ACVR1B: variants seen among roughly 807,000 people sequenced by gnomAD.
ACVR1B encodes activin A receptor type 1B, also known as activin receptor type-1B.
ACVR1B carries 15 observed loss-of-function variants against 55.6 expected under a neutral mutation model. The observed-to-expected ratio is 0.27, with a 90% CI of 0.18 to 0.42. ACVR1B has a LOEUF of 0.42. Ranked by LOEUF, ACVR1B falls within the 10% of genes least tolerant of loss-of-function variation. The probability of loss-of-function intolerance (pLI) is 1.00; values close to 1 mark genes in which losing one functional copy is unlikely to be tolerated. For synonymous variants in ACVR1B, 247 were observed against 254.6 expected (o/e 0.97, Z 0.28); for missense variants, 359 against 670.1 (o/e 0.54, Z 5.13).
intron 8 of ACVR1B, chr12:51,992,466 G>A (rs1476961589): frequency 8.8e-5 from 15 of 170,908 alleles, no homozygotes; most frequent in Non-Finnish European, 1.3e-4. Flanking sequence ...GGGCCACTGC[G>A]TTTCAGCCTG....
chr12:51,976,895 A>C (rs961184216), intron 3 of ACVR1B, among the ~76,000 whole-genome samples: 2 of 152,184 alleles, frequency 1.3e-5, no homozygotes, highest in Non-Finnish European at 2.9e-5. Context: ...GGAGTGCTCA[A>C]TTTCAGGGCC....
intron 1 of ACVR1B, among the ~76,000 whole-genome samples, chr12:51,971,670 C>T (rs1218285503): frequency 6.6e-6 from 1 of 152,150 alleles, no homozygotes; most frequent in East Asian, 1.9e-4. Flanking sequence ...TAATTTATCA[C>T]TTTTGTTTCA....
chr12:51,952,360 C>G (rs1941316482), intron 1 of ACVR1B, among the ~76,000 whole-genome samples: 1 of 152,190 alleles, frequency 6.6e-6, no homozygotes, highest in Non-Finnish European at 1.5e-5. Flanking sequence ...ACCTTTCCTT[C>G]AGGTCCTGCA....
chr12:51,953,118 C>A (rs1272704578), intron 1 of ACVR1B, among the ~76,000 whole-genome samples: 1 of 152,176 alleles, frequency 6.6e-6, no homozygotes, highest in Non-Finnish European at 1.5e-5. Context: ...ATTGTATTCG[C>A]TCCTGACGTA....
intron 5 of ACVR1B, 90 bp from the exon 6 acceptor site, chr12:51,985,102 G>A: frequency 1.5e-6 from 2 of 1,354,930 alleles, no homozygotes; most frequent in South Asian, 3.2e-5. Context: ...GCAAAGCCAG[G>A]ACTCAAACCT....
chr12:51,990,249 C>T (rs760210318), intron 7 of ACVR1B, among the ~76,000 whole-genome samples: 3 of 148,556 alleles, frequency 2.0e-5, no homozygotes, highest in South Asian at 2.2e-4. Context: ...GCTGAGATTG[C>T]GCCATTGCAC....
chr12:51,965,641 C>T (rs1941624879), intron 1 of ACVR1B, among the ~76,000 whole-genome samples: 1 of 151,984 alleles, frequency 6.6e-6, no homozygotes, highest in African/African-American at 2.4e-5. Context: ...GATCGTTCAG[C>T]GAGGTCCTTT....
At chr12:51,967,738 C>G (rs1452182263) in intron 1 of ACVR1B, among the ~76,000 whole-genome samples, 1 of 152,174 alleles carries the variant, frequency 6.6e-6, no homozygotes, top group Non-Finnish European at 1.5e-5. Context: ...GAAGTTGATT[C>G]TCTTAGTTTT....
intron 3 of ACVR1B, among the ~76,000 whole-genome samples, chr12:51,978,304 G>C (rs911313880): frequency 7.9e-5 from 12 of 152,076 alleles, no homozygotes; most frequent in African/African-American, 2.7e-4. Flanking sequence ...CTGAAACAAG[G>C]GAAGGGCCAT....
chr12:51,963,744 G>A (rs186936249), intron 1 of ACVR1B, among the ~76,000 whole-genome samples: 3 of 152,248 alleles, frequency 2.0e-5, no homozygotes, highest in Admixed American at 6.5e-5. Context: ...TAGTACTGTT[G>A]AGAATATTCA....
chr12:51,956,942 A>G (rs1261939071), intron 1 of ACVR1B, among the ~76,000 whole-genome samples: 3 of 151,396 alleles, frequency 2.0e-5, no homozygotes, highest in African/African-American at 7.3e-5. Flanking sequence ...GTATTTATTT[A>G]CTTTTTGGTA....
At chr12:51,974,895 G>T (rs531933637) in intron 1 of ACVR1B, among the ~76,000 whole-genome samples, 1 of 152,332 alleles carries the variant, frequency 6.6e-6, no homozygotes, top group East Asian at 1.9e-4. Context: ...CCTGCTGGGG[G>T]AGATAGGGCT....
intron 1 of ACVR1B, among the ~76,000 whole-genome samples, chr12:51,970,409 A>G (rs2120549995): frequency 6.6e-6 from 1 of 152,352 alleles, no homozygotes; most frequent in African/African-American, 2.4e-5. Flanking sequence ...TACCTGCCTC[A>G]GCTCGTGAGT....
intron 1 of ACVR1B, among the ~76,000 whole-genome samples, chr12:51,967,963 G>A (rs926770848): frequency 1.2e-4 from 18 of 152,210 alleles, no homozygotes; most frequent in Non-Finnish European, 2.1e-4. Context: ...GGCTGGGCGC[G>A]GTGGCTCATG....
At chr12:51,981,959 C>G (rs1181202618) in intron 4 of ACVR1B, among the ~76,000 whole-genome samples, 1 of 152,206 alleles carries the variant, frequency 6.6e-6, no homozygotes, top group African/African-American at 2.4e-5. Flanking sequence ...CGCCTTCGGA[C>G]TCTGCTCTTG....
At chr12:51,962,739 A>G (rs1269710991) in intron 1 of ACVR1B, among the ~76,000 whole-genome samples, 1 of 152,226 alleles carries the variant, frequency 6.6e-6, no homozygotes, top group Non-Finnish European at 1.5e-5. Flanking sequence ...ATCAGTAGCT[A>G]TTAACAATTG....
intron 3 of ACVR1B, among the ~76,000 whole-genome samples, chr12:51,977,607 C>T (rs994047908): frequency 6.5e-5 from 8 of 122,974 alleles, no homozygotes; most frequent in African/African-American, 9.7e-5. Flanking sequence ...TATTGCATTC[C>T]TTTTTTTTTT....
intron 1 of ACVR1B, among the ~76,000 whole-genome samples, chr12:51,964,997 CAAAAA>C (rs149554452): frequency 0.018 from 2,731 of 149,568 alleles, 27 homozygotes; most frequent in Non-Finnish European, 0.022. Context: ...TGGAAAAAAA[CAAAAA>C]AAAGGCCACT....
At chr12:51,976,845 C>T (rs563493451) in intron 3 of ACVR1B, among the ~76,000 whole-genome samples, 60 of 152,280 alleles carry the variant, frequency 3.9e-4, no homozygotes, top group African/African-American at 1.3e-3. Flanking sequence ...TGCAACTGTA[C>T]GTACATCTAT....
Sources: gnomAD v4.1 joint callset for allele counts (sites outside exome capture counted in the v4.1 genomes callset) on GRCh38, gnomAD v4.1.1 for gene constraint, MANE v1.5 for transcripts, NCBI Gene and HGNC (gene_info 2026-07-23, HGNC 2026-07-21) for gene names.